PPP1R1C: variants seen among roughly 807,000 people sequenced by gnomAD.
PPP1R1C encodes the protein protein phosphatase 1 regulatory subunit 1C.
Under a neutral mutation model 17.4 loss-of-function variants are expected in PPP1R1C, and 15 were observed. That is an observed-to-expected ratio of 0.86 (90% confidence interval 0.58 to 1.33). PPP1R1C has a LOEUF of 1.33. Among genes scored for constraint, PPP1R1C ranks in the 40% most tolerant of loss-of-function variants. PPP1R1C has a pLI of 0.00. For missense variants in PPP1R1C, 143 were observed against 130.0 expected, an observed-to-expected ratio of 1.10 and a Z score of -0.48; for synonymous variants, 35 against 43.1, an observed-to-expected ratio of 0.81 and a Z score of 0.73.
intron 1 of PPP1R1C, among the ~76,000 whole-genome samples, chr2:181,956,569 C>T (rs564478946): frequency 6.6e-6 from 1 of 152,328 alleles, no homozygotes; most frequent in South Asian, 2.1e-4. Flanking sequence ...TATTTCCTGA[C>T]TTTTTAATGA....
chr2:181,958,812 T>C (rs565012851), intron 1 of PPP1R1C, among the ~76,000 whole-genome samples: 1 of 152,376 alleles, frequency 6.6e-6, no homozygotes, highest in African/African-American at 2.4e-5. Context: ...AGGGTGGTCA[T>C]TCTTTTTCAT....
chr2:181,986,117 C>T lies in PPP1R1C; in HGVS notation c.7C>T (p.Pro3Ser). Residue 3 changes from proline to serine, a missense_variant, in exon 1 of 5, where the codon CCC becomes TCC. Coordinates refer to ENST00000682840, the MANE Select transcript of PPP1R1C (RefSeq NM_001080545.3). ...ACTAATTATCATCATTACCATGGAG[C>T]CCAACAGTCCCAAAAAGATACAGTT... is the stretch of plus-strand genomic sequence containing the variant. The part of the protein sequence containing the change: ME[P>S]NSPKKIQFAV... The T allele has an allele frequency of 6.2e-7, 1 of 1,613,028 alleles. No individual in the cohort carries two copies. The highest frequency in any genetic ancestry group is 8.5e-7 in the Non-Finnish European group (1 of 1,179,056).
At chr2:181,979,292 C>A (rs1685151979) in intron 2 of PPP1R1C, among the ~76,000 whole-genome samples, 1 of 152,160 alleles carries the variant, frequency 6.6e-6, no homozygotes, top group Admixed American at 6.6e-5. Flanking sequence ...CATCATTGTT[C>A]CAACTCTCTC....
chr2:182,043,561 A>AC (rs557991973), intron 2 of PPP1R1C, among the ~76,000 whole-genome samples: 42 of 151,082 alleles, frequency 2.8e-4, no homozygotes, highest in South Asian at 1.0e-3. Context: ...ACAGCACGCC[A>AC]TGTGTAAGCA....
chr2:182,040,575 T>C (rs1450022810), intron 2 of PPP1R1C, among the ~76,000 whole-genome samples: 1 of 152,238 alleles, frequency 6.6e-6, no homozygotes, highest in Non-Finnish European at 1.5e-5. Context: ...GGATGCATAG[T>C]TTGCAAATAT....
At chr2:182,029,375 A>G (rs375050465) in intron 2 of PPP1R1C, among the ~76,000 whole-genome samples, 10 of 151,612 alleles carry the variant, frequency 6.6e-5, no homozygotes, top group East Asian at 3.9e-4. Flanking sequence ...CATGTTTAGC[A>G]CTTCCTTCAG....
At chr2:182,109,346 T>G (rs1176659609) in intron 4 of PPP1R1C, among the ~76,000 whole-genome samples, 1 of 152,222 alleles carries the variant, frequency 6.6e-6, no homozygotes, top group African/African-American at 2.4e-5. Flanking sequence ...TTAATTTTAA[T>G]GAAGAACAGC....
intron 2 of PPP1R1C, among the ~76,000 whole-genome samples, chr2:182,019,980 C>G (rs1383253941): frequency 6.6e-6 from 1 of 152,166 alleles, no homozygotes; most frequent in Non-Finnish European, 1.5e-5. Flanking sequence ...AAATGAGATG[C>G]TTAAGAAATC....
chr2:182,121,022 T>C (rs1386939111), downstream of PPP1R1C, among the ~76,000 whole-genome samples: 2 of 152,218 alleles, frequency 1.3e-5, no homozygotes. Context: ...GTTGAGATAA[T>C]GGCTTTTCAC....
intron 5 of PPP1R1C, among the ~76,000 whole-genome samples, chr2:182,125,538 G>C (rs1458723553): frequency 6.6e-6 from 1 of 151,814 alleles, no homozygotes; most frequent in African/African-American, 2.4e-5. Context: ...TGGGCTTTTT[G>C]GTTGGTAGGG....
At chr2:181,973,128 A>G (rs183548947) in intron 1 of PPP1R1C, among the ~76,000 whole-genome samples, 1 of 152,332 alleles carries the variant, frequency 6.6e-6, no homozygotes, top group Non-Finnish European at 1.5e-5. Context: ...AAATATGATC[A>G]GTAAGCATCT....
intron 1 of PPP1R1C, among the ~76,000 whole-genome samples, chr2:181,974,173 C>A (rs1415498802): frequency 2.0e-5 from 3 of 151,964 alleles, no homozygotes; most frequent in Non-Finnish European, 2.9e-5. Context: ...AGAAATGGAA[C>A]CAATATCTAG....
chr2:182,024,853 T>TGAAAAAA (rs1686545021), intron 2 of PPP1R1C, among the ~76,000 whole-genome samples: 1 of 141,768 alleles, frequency 7.1e-6, no homozygotes, highest in Non-Finnish European at 1.6e-5. Flanking sequence ...AGAATCTGTC[T>TGAAAAAA]CAAAAAACAA....
chr2:182,032,386 C>T (rs954614336), intron 2 of PPP1R1C, among the ~76,000 whole-genome samples: 5 of 152,118 alleles, frequency 3.3e-5, no homozygotes, highest in African/African-American at 1.2e-4. Context: ...ACTACTGGTT[C>T]GTTTTTCCAT....
Position 181,961,514 on chromosome 2 carries a change from T to G in PPP1R1C, n.111+6880T>G. 6 of 1,102,074 alleles carry G rather than the reference T, an allele frequency of 5.4e-6. No homozygotes were observed. The highest frequency in any genetic ancestry group is 8.0e-6 in the Non-Finnish European group (6 of 746,074). The allele number at this position is 1,102,074 out of a possible 1,614,324, so 68.3% of individuals were successfully genotyped here. The stretch of plus-strand genomic sequence containing the variant: ...TAGCGGGCCTCCACCTCCCTCAGGC[T>G]GTTCTCCAAGCTGGCCTTCAGATTT... On this transcript the variant is annotated intron_variant and non_coding_transcript_variant, in intron 1 of 5. Transcript: ENST00000464264. The surrounding 1 kb of genome is among the most constrained non-coding windows in gnomAD (Gnocchi z 5.8).
rs1684687280 is a variant in PPP1R1C, at chr2:181,957,352, G to C, written n.111+2718G>C. ...AACCTGGGCGACAGAGTGAGACTCT[G>C]TCTTAAAAAGAGAAGAAAAAAATTG... On this transcript the variant is annotated intron_variant and non_coding_transcript_variant, in intron 1 of 5. Coordinates refer to the PPP1R1C transcript ENST00000464264. This position sits in a 1 kb window ranked among gnomAD's most constrained non-coding sequence, Gnocchi z 4.2. Among the ~76,000 whole-genome samples the C allele has an allele frequency of 1.3e-5, 2 of 152,078 alleles. No homozygotes were observed. Among genetic ancestry groups the C allele is most frequent in the African/African-American group, 4.8e-5 (2 of 41,418 alleles).
intron 2 of PPP1R1C, among the ~76,000 whole-genome samples, chr2:182,046,093 T>TTTCCTTCCTTCCTTCCTTCCTTCCTTCC (rs56180506): frequency 1.4e-5 from 2 of 144,014 alleles, no homozygotes; most frequent in African/African-American, 5.3e-5. Context: ...CCCTCCTACA[T>TTTCCTTCCTTCCTTCCTTCCTTCCTTCC]TTCCTTCCTT....
At chr2:181,959,610 G>C (rs1053284711) in intron 1 of PPP1R1C, among the ~76,000 whole-genome samples, 1 of 152,064 alleles carries the variant, frequency 6.6e-6, no homozygotes, top group Non-Finnish European at 1.5e-5. Flanking sequence ...ACATCTGTAT[G>C]TATGTATATA....
Position 182,117,382 on chromosome 2 carries a change from C to A in PPP1R1C, c.*87C>A. 1.1e-6 allele frequency: 1 copy of A among 911,224 alleles called. No homozygotes were observed. The highest frequency in any genetic ancestry group is 1.7e-6 in the Non-Finnish European group (1 of 586,282). The allele number at this position is 911,224 out of a possible 1,614,324, so 56.4% of individuals were successfully genotyped here. On this transcript the variant is annotated 3_prime_UTR_variant, in exon 5 of 5. Transcript: ENST00000682840. ...ACCATGGAATTCCACTGCTTGACTT[C>A]CAGAAGCATCCTCCATCTCTGCACC...
Sources: gnomAD v4.1 joint callset for allele counts (sites outside exome capture counted in the v4.1 genomes callset) on GRCh38, gnomAD v4.1.1 for gene constraint, Gnocchi (gnomAD v3.1) non-coding constraint, MANE v1.5 for transcripts, NCBI Gene and HGNC (gene_info 2026-07-23, HGNC 2026-07-21) for gene names.